The following NR2F1-AS1 variants were observed in gnomAD, a reference collection of about 807,000 sequenced individuals.
NR2F1-AS1 encodes the protein NR2F1 regulatory antisense RNA 1.
intron 2 of NR2F1-AS1, among the ~76,000 whole-genome samples, chr5:93,558,412 CT>C (rs1176986455): frequency 6.6e-6 from 1 of 151,900 alleles, no homozygotes; most frequent in Non-Finnish European, 1.5e-5. Flanking sequence ...CCTCCACCCC[CT>C]GGGTTCAAGC....
intron 4 of NR2F1-AS1, among the ~76,000 whole-genome samples, chr5:93,458,412 A>C (rs1750000754): frequency 6.6e-6 from 1 of 152,200 alleles, no homozygotes; most frequent in African/African-American, 2.4e-5. Flanking sequence ...AAATGTACAA[A>C]TGCACAATTA....
intron 4 of NR2F1-AS1, among the ~76,000 whole-genome samples, chr5:93,420,268 G>C (rs1749061058): frequency 6.6e-6 from 1 of 152,204 alleles, no homozygotes; most frequent in African/African-American, 2.4e-5. Flanking sequence ...CCCAGCCTTA[G>C]AGAAAATGTG....
At position 93,579,499 on chromosome 5, in the gene NR2F1-AS1, G is replaced by A. The variant is rs1267171017; in HGVS notation, n.313+968C>T. 6.6e-6 allele frequency among the ~76,000 whole-genome samples: 1 copy of A among 152,190 alleles called. No homozygotes were observed. On this transcript the variant is annotated intron_variant and non_coding_transcript_variant, in intron 1 of 5. Transcript: ENST00000660523. The surrounding 1 kb of genome is among the most constrained non-coding windows in gnomAD (Gnocchi z 5.1). ...GGGTGGGCGCCTCTGCTCCCGGGCAGGCTCAGCTGTCATCCCGTCTCGCCT... is the reference window on the plus strand; with the variant it reads ...GGGTGGGCGCCTCTGCTCCCGGGCAAGCTCAGCTGTCATCCCGTCTCGCCT...
At chr5:93,570,899 G>C (rs1347377309) in intron 1 of NR2F1-AS1, 14 of 152,360 alleles carry the variant, frequency 9.2e-5, no homozygotes, top group South Asian at 2.1e-4. Flanking sequence ...GAGTTCGCTA[G>C]TCCAGGGAAA....
chr5:93,464,840 T>C (rs536224091), intron 4 of NR2F1-AS1, among the ~76,000 whole-genome samples: 1 of 152,348 alleles, frequency 6.6e-6, no homozygotes, highest in South Asian at 2.1e-4. Flanking sequence ...TGTTGGCCTT[T>C]GAAAGAACAA....
At chr5:93,485,715 G>A (rs1378807792) in intron 4 of NR2F1-AS1, among the ~76,000 whole-genome samples, 6 of 152,070 alleles carry the variant, frequency 3.9e-5, no homozygotes, top group Admixed American at 3.3e-4. Flanking sequence ...TGATTCCTCA[G>A]GGATCTAGAA....
At position 93,500,114 on chromosome 5, in the gene NR2F1-AS1, A is replaced by G. The variant is rs117974761; in HGVS notation, n.638+53647T>C. Among the ~76,000 whole-genome samples the G allele has an allele frequency of 1.6e-4, 24 of 152,366 alleles. No individual in the cohort carries two copies. In the East Asian group the frequency reaches 4.4e-3, roughly 28 times the overall value. ...AGCAAGTTATCCAAAGATCTAGCTA[A>G]GATCACTGACAAAGATGGCTACACC... On this transcript the variant is annotated intron_variant and non_coding_transcript_variant, in intron 4 of 5. Coordinates refer to ENST00000660523, the Ensembl canonical transcript of NR2F1-AS1.
chr5:93,486,392 T>TA (rs1254475457), intron 4 of NR2F1-AS1, among the ~76,000 whole-genome samples: 6 of 151,574 alleles, frequency 4.0e-5, no homozygotes, highest in Admixed American at 2.6e-4. Context: ...ATATACACAA[T>TA]AAAAAATGAT....
chr5:93,585,452 C>A, upstream of NR2F1-AS1: 1 of 1,613,912 alleles, frequency 6.2e-7, no homozygotes, highest in Non-Finnish European at 8.5e-7. Flanking sequence ...ACTGCCGCCT[C>A]AAGAAGTGCC....
chr5:93,483,586 G>C (rs561061350), intron 4 of NR2F1-AS1, among the ~76,000 whole-genome samples: 1 of 152,268 alleles, frequency 6.6e-6, no homozygotes, highest in African/African-American at 2.4e-5. Flanking sequence ...AACAAAACTG[G>C]ACTGAGGATG....
intron 4 of NR2F1-AS1, among the ~76,000 whole-genome samples, chr5:93,545,410 T>A (rs1424298852): frequency 6.6e-6 from 1 of 152,220 alleles, no homozygotes; most frequent in Non-Finnish European, 1.5e-5. Context: ...CTTGGTTATT[T>A]GACAAGCATT....
chr5:93,474,953 G>A (rs1214237210), intron 4 of NR2F1-AS1, among the ~76,000 whole-genome samples: 3 of 151,982 alleles, frequency 2.0e-5, no homozygotes, highest in Non-Finnish European at 2.9e-5. Flanking sequence ...GTGAAACCCC[G>A]TCTCTACTAA....
chr5:93,462,242 T>C (rs1020943180), intron 4 of NR2F1-AS1, among the ~76,000 whole-genome samples: 2 of 152,122 alleles, frequency 1.3e-5, no homozygotes, highest in Non-Finnish European at 2.9e-5. Context: ...TGGGGGCAGG[T>C]CTTTCCCAAG....
At chr5:93,464,062 A>G (rs1384544387) in intron 4 of NR2F1-AS1, among the ~76,000 whole-genome samples, 2 of 152,152 alleles carry the variant, frequency 1.3e-5, no homozygotes, top group Non-Finnish European at 2.9e-5. Flanking sequence ...GTGGAATGAT[A>G]TGGTTTGGCT....
At chr5:93,453,692 A>G (rs1012186780) in intron 4 of NR2F1-AS1, among the ~76,000 whole-genome samples, 8 of 152,112 alleles carry the variant, frequency 5.3e-5, no homozygotes, top group African/African-American at 1.9e-4. Context: ...AAGACAATGG[A>G]GTGACATCTT....
At chr5:93,460,796 C>T (rs144887849) in intron 4 of NR2F1-AS1, among the ~76,000 whole-genome samples, 201 of 152,282 alleles carry the variant, frequency 1.3e-3, no homozygotes, top group African/African-American at 4.5e-3. Context: ...CCATCTCACA[C>T]CAGTCAGAAT....
At chr5:93,582,948 CG>C (rs147929468), upstream of NR2F1-AS1, among the ~76,000 whole-genome samples, 4,425 of 143,310 alleles carry the variant, frequency 0.031, 91 homozygotes, top group South Asian at 0.059. Context: ...GGTAGCTAAG[CG>C]GGGGGGGGAG....
At chr5:93,448,361 T>C (rs1334858650) in intron 4 of NR2F1-AS1, among the ~76,000 whole-genome samples, 1 of 152,328 alleles carries the variant, frequency 6.6e-6, no homozygotes, top group East Asian at 1.9e-4. Flanking sequence ...AATTGTTTGA[T>C]AGTGTGAAAA....
chr5:93,497,960 G>T (rs553707329), intron 4 of NR2F1-AS1, among the ~76,000 whole-genome samples: 160 of 152,072 alleles, frequency 1.1e-3, no homozygotes, highest in Non-Finnish European at 2.1e-3. Flanking sequence ...ATACCGTTTT[G>T]GCACTGGGTT....
Sources: gnomAD v4.1 joint callset for allele counts (sites outside exome capture counted in the v4.1 genomes callset) on GRCh38, gnomAD v4.1.1 for gene constraint, Gnocchi (gnomAD v3.1) non-coding constraint, MANE v1.5 for transcripts, NCBI Gene and HGNC (gene_info 2026-07-23, HGNC 2026-07-21) for gene names.